NCKAP5: variants seen among roughly 807,000 people sequenced by gnomAD.
NCKAP5 encodes the protein nck-associated protein 5.
Under a neutral mutation model 167.0 loss-of-function variants are expected in NCKAP5, and 92 were observed. That is an observed-to-expected ratio of 0.55 (90% CI 0.47 to 0.66). The LOEUF is 0.66. Ranked by LOEUF, NCKAP5 falls within the 30% of genes least tolerant of loss-of-function variation. The pLI is 0.00. For missense variants in NCKAP5, 2,378 were observed against 2,315.0 expected, an observed-to-expected ratio of 1.03 and a Z score of -0.56; for synonymous variants, 891 against 877.4, an observed-to-expected ratio of 1.02 and a Z score of -0.27.
At chr2:132,920,661 A>T (rs1358433054) in intron 8 of NCKAP5, among the ~76,000 whole-genome samples, 1 of 131,944 alleles carries the variant, frequency 7.6e-6, no homozygotes, top group Non-Finnish European at 1.6e-5. Context: ...GGAAGAACTT[A>T]TATATATATA....
the NCKAP5 span, among the ~76,000 whole-genome samples, chr2:133,598,185 G>C: frequency 6.6e-6 from 1 of 152,200 alleles, no homozygotes; most frequent in Non-Finnish European, 1.5e-5. Flanking sequence ...AGATTGCTGT[G>C]AGGATTAAAT....
At chr2:132,918,996 C>T (rs186969713) in intron 8 of NCKAP5, among the ~76,000 whole-genome samples, 1 of 152,290 alleles carries the variant, frequency 6.6e-6, no homozygotes, top group East Asian at 1.9e-4. Flanking sequence ...CACAAATGAT[C>T]TGGTTTAACT....
At chr2:133,258,988 G>A (rs2088773438) in intron 4 of NCKAP5, among the ~76,000 whole-genome samples, 1 of 152,144 alleles carries the variant, frequency 6.6e-6, no homozygotes, top group Admixed American at 6.5e-5. Context: ...CCCAAAAGGT[G>A]AAGTTCAAAT....
intron 9 of NCKAP5, among the ~76,000 whole-genome samples, chr2:132,875,364 T>C (rs1342761939): frequency 6.6e-6 from 1 of 152,196 alleles, no homozygotes; most frequent in East Asian, 1.9e-4. Context: ...TCTGCTCACC[T>C]ACCCGCTGCT....
intron 9 of NCKAP5, among the ~76,000 whole-genome samples, chr2:132,872,193 T>G (rs974305768): frequency 1.6e-4 from 24 of 152,220 alleles, no homozygotes; most frequent in African/African-American, 5.5e-4. Flanking sequence ...ACAGCCTTCC[T>G]TAGGCTGTCC....
intron 8 of NCKAP5, among the ~76,000 whole-genome samples, chr2:132,884,577 C>T (rs747521753): frequency 1.3e-5 from 2 of 152,180 alleles, no homozygotes; most frequent in Non-Finnish European, 2.9e-5. Flanking sequence ...AATCTAAAAG[C>T]GATTTCCAGT....
intron 3 of NCKAP5, among the ~76,000 whole-genome samples, chr2:133,383,882 C>G (rs1197826664): frequency 1.3e-5 from 2 of 152,174 alleles, no homozygotes; most frequent in Non-Finnish European, 2.9e-5. Context: ...AGTGTCTGTT[C>G]ATATCCTTCG....
intron 6 of NCKAP5, among the ~76,000 whole-genome samples, chr2:133,061,808 G>T (rs2080013260): frequency 6.6e-6 from 1 of 152,190 alleles, no homozygotes; most frequent in East Asian, 1.9e-4. Context: ...ATTAGTACCT[G>T]GTGGCTATTG....
At chr2:132,698,492 G>A (rs1687553225) in intron 19 of NCKAP5, among the ~76,000 whole-genome samples, 1 of 152,140 alleles carries the variant, frequency 6.6e-6, no homozygotes. Flanking sequence ...GTAAAGCCAT[G>A]TGTGATCTTA....
chr2:133,638,951 A>C, the NCKAP5 span, among the ~76,000 whole-genome samples: 1 of 152,174 alleles, frequency 6.6e-6, no homozygotes, highest in Non-Finnish European at 1.5e-5. Flanking sequence ...TAATTGTTGC[A>C]AGAATGTAAG....
intron 16 of NCKAP5, among the ~76,000 whole-genome samples, chr2:132,760,795 C>G (rs997937214): frequency 6.6e-6 from 1 of 152,184 alleles, no homozygotes; most frequent in African/African-American, 2.4e-5. Context: ...GTCAAATGTA[C>G]TCAAACAGTG....
At chr2:133,210,575 A>G (rs1344396347) in intron 5 of NCKAP5, among the ~76,000 whole-genome samples, 4 of 152,226 alleles carry the variant, frequency 2.6e-5, no homozygotes, top group Non-Finnish European at 4.4e-5. Context: ...TTGTAACAGC[A>G]ATAATTAAAT....
intron 6 of NCKAP5, among the ~76,000 whole-genome samples, chr2:133,053,574 T>C (rs1029210865): frequency 2.0e-5 from 3 of 152,220 alleles, no homozygotes; most frequent in African/African-American, 7.2e-5. Context: ...AGGTTAACTT[T>C]CTTTACTTTC....
intron 7 of NCKAP5, among the ~76,000 whole-genome samples, chr2:132,976,836 G>A (rs969878512): frequency 2.6e-5 from 4 of 151,918 alleles, no homozygotes; most frequent in Admixed American, 1.3e-4. Context: ...CTAGATGACC[G>A]AGGTGCTCAA....
Position 133,382,856 on chromosome 2 carries a change from T to A in NCKAP5, c.70-79746A>T, listed in dbSNP as rs75503473. On this transcript the variant is annotated intron_variant, in intron 3 of 19. Transcript: ENST00000409261. Reference sequence around the variant, plus strand: ...CAGGACAGCAGGAGAGATGCTAGAATCTTTGTCCTCTTTAGTTCATCATTT... The same window carrying A: ...CAGGACAGCAGGAGAGATGCTAGAAACTTTGTCCTCTTTAGTTCATCATTT... Among the ~76,000 whole-genome samples the A allele has an allele frequency of 4.5e-4, 68 of 152,332 alleles. No individual in the cohort carries two copies. In the East Asian group the frequency reaches 0.01, roughly 23 times the overall value.
At chr2:133,318,134 T>C (rs1482854740) in intron 3 of NCKAP5, among the ~76,000 whole-genome samples, 1 of 152,194 alleles carries the variant, frequency 6.6e-6, no homozygotes, top group African/African-American at 2.4e-5. Flanking sequence ...GATTCTCTAA[T>C]ACCAGCATAA....
chr2:133,646,052 C>T, the NCKAP5 span, among the ~76,000 whole-genome samples: 7 of 151,544 alleles, frequency 4.6e-5, no homozygotes, highest in Non-Finnish European at 3.0e-5. Context: ...ATATGTTGCT[C>T]TATGTGTGTC....
In NCKAP5 at chr2:133,510,201, C is replaced by T. The variant is rs1398146008; in HGVS notation, c.69+7257G>A. Among the ~76,000 whole-genome samples the T allele has an allele frequency of 2.0e-5, 3 of 152,048 alleles. No individual in the cohort carries two copies. The East Asian group carries it at 5.8e-4, about 29-fold the overall frequency. On this transcript the variant is annotated intron_variant, in intron 3 of 19. Coordinates refer to ENST00000409261, the MANE Select transcript of NCKAP5 (RefSeq NM_207363.3). Reference sequence around the variant, plus strand: ...GGAATGTGCAGCCATTTGATAGGACCATCACTCAAGTCATAAACCCCACTG... The same window carrying T: ...GGAATGTGCAGCCATTTGATAGGACTATCACTCAAGTCATAAACCCCACTG...
At chr2:133,152,823 A>G (rs1290803373) in intron 5 of NCKAP5, among the ~76,000 whole-genome samples, 1 of 152,170 alleles carries the variant, frequency 6.6e-6, no homozygotes, top group African/African-American at 2.4e-5. Flanking sequence ...TTGTGTTTAG[A>G]TATCAAATAC....
Sources: allele counts gnomAD v4.1 joint callset (sites outside exome capture counted in the v4.1 genomes callset), GRCh38; gene constraint gnomAD v4.1.1; transcripts MANE v1.5; gene names NCBI Gene and HGNC (gene_info 2026-07-23, HGNC 2026-07-21).